The following SEMA6D variants were observed in gnomAD, a reference collection of about 807,000 sequenced individuals.
The protein encoded by SEMA6D is semaphorin 6D, also known as semaphorin-6D.
A neutral mutation model predicts 106.6 loss-of-function variants in SEMA6D; 35 were observed. The observed-to-expected ratio is 0.33, with a 90% CI of 0.25 to 0.44. SEMA6D has a LOEUF of 0.44. Among genes scored for constraint, SEMA6D ranks in the 20% least tolerant of loss-of-function variants. SEMA6D has a pLI of 1.00. For synonymous variants in SEMA6D, 499 were observed against 487.7 expected, an observed-to-expected ratio of 1.02 and a Z score of -0.31; for missense variants, 1,185 against 1,345.9, an observed-to-expected ratio of 0.88 and a Z score of 1.87.
At position 47,719,332 on chromosome 15, in the gene SEMA6D, A is replaced by G. The variant is rs532774222; in HGVS notation, c.-55+1640A>G. On this transcript the variant is annotated intron_variant, in intron 1 of 18. Transcript: ENST00000536845. The stretch of plus-strand genomic sequence containing the variant: ...AAGGCGCAGCACATCGTTACTATAG[A>G]TATATAGACTTCGTCAACAGTCATT... Among the ~76,000 whole-genome samples, 5 of 152,204 alleles carry G rather than the reference A, an allele frequency of 3.3e-5. 1 individual carries two copies. In the East Asian group the frequency reaches 5.8e-4, roughly 18 times the overall value.
intron 1 of SEMA6D, among the ~76,000 whole-genome samples, chr15:47,228,514 T>C (rs2031970769): frequency 6.6e-6 from 1 of 152,048 alleles, no homozygotes; most frequent in Non-Finnish European, 1.5e-5. Flanking sequence ...AGTCAGTTCC[T>C]AGTTGAAGTC....
chr15:47,729,829 T>C (rs1005801921), intron 1 of SEMA6D, among the ~76,000 whole-genome samples: 1 of 152,250 alleles, frequency 6.6e-6, no homozygotes, highest in African/African-American at 2.4e-5. Context: ...TGCTCATTAC[T>C]GAAAAGGCTG....
intron 1 of SEMA6D, among the ~76,000 whole-genome samples, chr15:47,297,062 G>C (rs1479970967): frequency 6.6e-6 from 1 of 152,118 alleles, no homozygotes; most frequent in African/African-American, 2.4e-5. Flanking sequence ...AGGATATTTT[G>C]TCTTATTCAA....
At chr15:47,438,537 A>G (rs917004578) in intron 2 of SEMA6D, among the ~76,000 whole-genome samples, 1 of 152,004 alleles carries the variant, frequency 6.6e-6, no homozygotes, top group East Asian at 2.0e-4. Flanking sequence ...CCCACCCCCT[A>G]TTCACTATGC....
intron 1 of SEMA6D, among the ~76,000 whole-genome samples, chr15:47,195,074 A>G (rs553652527): frequency 2.0e-5 from 3 of 152,330 alleles, no homozygotes; most frequent in Admixed American, 6.5e-5. Context: ...TTTCTCCTCC[A>G]TACAAATATT....
At chr15:47,758,441 T>C (rs886824485) in intron 1 of SEMA6D, among the ~76,000 whole-genome samples, 1 of 150,994 alleles carries the variant, frequency 6.6e-6, no homozygotes, top group Admixed American at 6.6e-5. Flanking sequence ...ACAGTTTTGG[T>C]TGAGGGGGGG....
chr15:47,698,124 A>G (rs17328379), intron 4 of SEMA6D, among the ~76,000 whole-genome samples: 46,010 of 152,134 alleles, frequency 0.3, 8,523 homozygotes, highest in Middle Eastern at 0.45. Flanking sequence ...GTTATTTCCC[A>G]TTATTAAAAT....
At chr15:47,662,635 T>C (rs1269034686) in intron 4 of SEMA6D, among the ~76,000 whole-genome samples, 2 of 152,152 alleles carry the variant, frequency 1.3e-5, no homozygotes, top group East Asian at 3.9e-4. Context: ...ATTTACATCA[T>C]TTGTTGGGAG....
At chr15:47,631,830 C>A (rs555785494) in intron 4 of SEMA6D, among the ~76,000 whole-genome samples, 2 of 151,956 alleles carry the variant, frequency 1.3e-5, no homozygotes, top group South Asian at 2.1e-4. Context: ...TTACAGCACC[C>A]GTGGGAAACC....
At chr15:47,272,431 A>G (rs2034600145) in intron 1 of SEMA6D, among the ~76,000 whole-genome samples, 1 of 152,206 alleles carries the variant, frequency 6.6e-6, no homozygotes, top group Admixed American at 6.5e-5. Flanking sequence ...TGTGCTATAT[A>G]TAGATGGTTC....
intron 4 of SEMA6D, among the ~76,000 whole-genome samples, chr15:47,691,018 G>A (rs1021496761): frequency 3.3e-5 from 5 of 152,160 alleles, no homozygotes; most frequent in African/African-American, 9.6e-5. Flanking sequence ...CCAGTTTGGC[G>A]TTGTCTGTGT....
chr15:47,530,843 C>T (rs1299119827), intron 3 of SEMA6D, among the ~76,000 whole-genome samples: 1 of 152,180 alleles, frequency 6.6e-6, no homozygotes, highest in Non-Finnish European at 1.5e-5. Context: ...TAAAACCTCT[C>T]ATAGCCTCAG....
At chr15:47,493,445 T>TA (rs2141467689) in intron 3 of SEMA6D, among the ~76,000 whole-genome samples, 1 of 152,250 alleles carries the variant, frequency 6.6e-6, no homozygotes, top group South Asian at 2.1e-4. Flanking sequence ...ATATCTTAGC[T>TA]AGAAAGGCAC....
chr15:47,642,373 C>T (rs1566954462), intron 4 of SEMA6D, among the ~76,000 whole-genome samples: 1 of 152,198 alleles, frequency 6.6e-6, no homozygotes, highest in East Asian at 1.9e-4. Context: ...TCAGACTCTA[C>T]GTGATTTTTT....
intron 1 of SEMA6D, among the ~76,000 whole-genome samples, chr15:47,742,966 A>G (rs1002072604): frequency 6.6e-6 from 1 of 152,182 alleles, no homozygotes; most frequent in Non-Finnish European, 1.5e-5. Context: ...ATTTCTCTCA[A>G]TCTTTTCACC....
At chr15:47,336,737 C>A (rs1159997785) in intron 1 of SEMA6D, among the ~76,000 whole-genome samples, 1 of 152,052 alleles carries the variant, frequency 6.6e-6, no homozygotes, top group Non-Finnish European at 1.5e-5. Flanking sequence ...GACTCTTTAC[C>A]CCTAGAACTG....
chr15:47,372,902 A>G (rs921351362), intron 1 of SEMA6D, among the ~76,000 whole-genome samples: 2 of 152,220 alleles, frequency 1.3e-5, no homozygotes, highest in African/African-American at 4.8e-5. Context: ...AATAGAATCC[A>G]GATTGTGTGT....
chr15:47,418,011 TTATATATTTTATATGCCCA>T (rs1421860438), intron 2 of SEMA6D, among the ~76,000 whole-genome samples: 6 of 152,012 alleles, frequency 3.9e-5, no homozygotes, highest in Non-Finnish European at 8.8e-5. Context: ...AATATAGCAT[TTATATATTTTATATGCCCA>T]TATATATTTT....
At chr15:47,282,624 G>C (rs1013627169) in intron 1 of SEMA6D, among the ~76,000 whole-genome samples, 2 of 152,074 alleles carry the variant, frequency 1.3e-5, no homozygotes, top group African/African-American at 4.8e-5. Flanking sequence ...TAAAATGTCT[G>C]TGAACAGTGT....
Sources: allele counts gnomAD v4.1 joint callset (sites outside exome capture counted in the v4.1 genomes callset), GRCh38; gene constraint gnomAD v4.1.1; transcripts MANE v1.5; gene names NCBI Gene and HGNC (gene_info 2026-07-23, HGNC 2026-07-21).